SLCO4A1: variants seen among roughly 807,000 people sequenced by gnomAD.
The protein encoded by SLCO4A1 is solute carrier organic anion transporter family member 4A1, also known as colon organic anion transporter.
In SLCO4A1, 51 loss-of-function variants were observed where a neutral mutation model predicts 64.6. That is an observed-to-expected ratio of 0.79 (90% CI 0.63 to 1.00). The LOEUF (loss-of-function observed/expected upper bound fraction) is 1.00. SLCO4A1 is among the 50% of genes least tolerant of loss of function. SLCO4A1 has a pLI of 0.00. For missense variants in SLCO4A1, 919 were observed against 980.5 expected (o/e 0.94, Z 0.84); for synonymous variants, 471 against 444.9 (o/e 1.06, Z -0.74).
Position 62,661,172 on chromosome 20 carries a change from C to T in SLCO4A1, c.1118C>T (p.Pro373Leu). 1.2e-6 allele frequency: 2 copies of T among 1,610,208 alleles called. No homozygotes were observed. The highest frequency in any genetic ancestry group is 1.7e-6 in the Non-Finnish European group (2 of 1,176,964). The part of the protein sequence containing the change: ...PDFGKTIRDL[P>L]LSIWLLLKNP... Reference sequence around the variant, plus strand: ...TTTGGGAAAACCATCAGAGACCTGCCTCTGTAAGGACCGGAGTCGGGAGGG... The same window carrying T: ...TTTGGGAAAACCATCAGAGACCTGCTTCTGTAAGGACCGGAGTCGGGAGGG... The change falls in exon 5 of 12, where the codon CCT becomes CTT. Residue 373 changes from proline (P) to leucine (L), a missense_variant. Transcript: ENST00000217159. The surrounding 1 kb of genome is among the most constrained non-coding windows in gnomAD (Gnocchi z 5.2).
chr20:62,655,203 C>T (rs552652848), intron 1 of SLCO4A1, among the ~76,000 whole-genome samples: 361 of 151,686 alleles, frequency 2.4e-3, no homozygotes, highest in Middle Eastern at 0.017. Context: ...AGGGTGGGGG[C>T]GGCACAGGTG....
At chr20:62,682,396 T>G (rs1029315706) in intron 2 of SLCO4A1, among the ~76,000 whole-genome samples, 1 of 151,754 alleles carries the variant, frequency 6.6e-6, no homozygotes, top group Non-Finnish European at 1.5e-5. Context: ...GGCCACAGAG[T>G]CGACTATGGC....
At chr20:62,689,966 C>T (rs1038078951), downstream of SLCO4A1, among the ~76,000 whole-genome samples, 16 of 152,344 alleles carry the variant, frequency 1.1e-4, no homozygotes, top group African/African-American at 3.6e-4. Context: ...GCTGAGTCGA[C>T]GCCTGCAGCC....
chr20:62,680,502 T>C (rs909655172), intron 2 of SLCO4A1, among the ~76,000 whole-genome samples: 1 of 152,126 alleles, frequency 6.6e-6, no homozygotes, highest in Non-Finnish European at 1.5e-5. Context: ...GTTAGCTGCA[T>C]GTATTTTTTT....
intron 5 of SLCO4A1, chr20:62,663,257 T>C (rs1985390928): frequency 6.6e-6 from 1 of 152,330 alleles, no homozygotes; most frequent in South Asian, 2.1e-4. Context: ...TTCCTGATTC[T>C]TCAGAATCCA....
chr20:62,671,961 G>C lies in SLCO4A1; in HGVS notation c.*68G>C. The C allele has an allele frequency of 6.2e-7, 1 of 1,600,388 alleles. No individual in the cohort carries two copies. Among genetic ancestry groups the C allele is most frequent in the South Asian group, 1.1e-5 (1 of 91,062 alleles). On this transcript the variant is annotated 3_prime_UTR_variant, in exon 12 of 12. Coordinates refer to ENST00000217159, the MANE Select transcript of SLCO4A1 (RefSeq NM_016354.4). ...TCCTGATGACAGAACAGTGCCGTTG[G>C]GTGATGCAATCACACGGGAACTTCT...
chr20:62,667,241 G>A (rs1425236393), intron 7 of SLCO4A1, among the ~76,000 whole-genome samples: 1 of 152,240 alleles, frequency 6.6e-6, no homozygotes. Flanking sequence ...GAAAAAGGAA[G>A]GAGTTGGACA....
At chr20:62,677,691 C>T (rs895417777) in intron 2 of SLCO4A1, among the ~76,000 whole-genome samples, 8 of 152,248 alleles carry the variant, frequency 5.3e-5, no homozygotes, top group African/African-American at 1.7e-4. Context: ...GGTCTGTGCA[C>T]CCTCTTTTTG....
At chr20:62,686,120 C>G (rs1988052252), downstream of SLCO4A1, among the ~76,000 whole-genome samples, 1 of 152,206 alleles carries the variant, frequency 6.6e-6, no homozygotes, top group Admixed American at 6.5e-5. Context: ...AGGGCAATCT[C>G]TGTACCTGGG....
At chr20:62,646,339 G>C (rs1170494027) in intron 1 of SLCO4A1, among the ~76,000 whole-genome samples, 5 of 152,226 alleles carry the variant, frequency 3.3e-5, no homozygotes, top group Non-Finnish European at 5.9e-5. Flanking sequence ...CTGGGAAGCA[G>C]GCCCTGTGCC....
intron 5 of SLCO4A1, among the ~76,000 whole-genome samples, chr20:62,662,819 G>A (rs1402197877): frequency 2.3e-5 from 3 of 129,250 alleles, no homozygotes; most frequent in African/African-American, 8.9e-5. Flanking sequence ...CCCCCCCAGG[G>A]TGCCCACCCC....
intron 2 of SLCO4A1, among the ~76,000 whole-genome samples, chr20:62,679,946 G>A (rs1987754523): frequency 6.6e-6 from 1 of 152,186 alleles, no homozygotes; most frequent in Admixed American, 6.5e-5. Flanking sequence ...ATACCTTAAA[G>A]ACCCTCTACA....
At position 62,666,540 on chromosome 20, in the gene SLCO4A1, GCC is replaced by G. The variant is rs1411091416; in HGVS notation, c.1439_1440del (p.Pro480HisfsTer72). 1 of 1,613,020 alleles carries G rather than the reference GCC, an allele frequency of 6.2e-7. No homozygotes were observed. The highest frequency in any genetic ancestry group is 8.5e-7 in the Non-Finnish European group (1 of 1,179,958). Reference protein sequence around the residue: ...LVFSLHCPSVPMAGVTASYGG... With the variant: ...LVFSLHCPSVXMAGVTASYGG... ...TCTTCTCACTGCACTGCCCCAGTGT[GCC>G]CATGGCGGGCGTCACAGCCAGCTAC... is the stretch of plus-strand genomic sequence containing the variant. On this transcript the variant is annotated frameshift_variant, in exon 7 of 12. Transcript: ENST00000217159. LOFTEE classifies it high-confidence loss of function.
Position 62,656,409 on chromosome 20 carries a change from C to T in SLCO4A1, c.-46C>T. 1 of 1,438,410 alleles carries T rather than the reference C, an allele frequency of 7.0e-7. No individual in the cohort carries two copies. The highest frequency in any genetic ancestry group is 9.1e-7 in the Non-Finnish European group (1 of 1,093,832). The allele number at this position is 1,438,410 out of a possible 1,614,324, so 89.1% of individuals were successfully genotyped here. A position where few individuals can be genotyped will look rare whatever the true frequency, so the allele number is the denominator to read the frequency against. ...TTGGCCACTCCCGCTGAGGCCACTC[C>T]CACTGCGTGGCTGAAGCCTCGAGGT... On this transcript the variant is annotated 5_prime_UTR_variant, in exon 2 of 12. Coordinates refer to ENST00000217159, the MANE Select transcript of SLCO4A1 (RefSeq NM_016354.4).
chr20:62,671,965 A>G lies in SLCO4A1; in HGVS notation c.*72A>G. The stretch of plus-strand genomic sequence containing the variant: ...GATGACAGAACAGTGCCGTTGGGTG[A>G]TGCAATCACACGGGAACTTCTATTT... On this transcript the variant is annotated 3_prime_UTR_variant, in exon 12 of 12. Transcript: ENST00000217159. 6.3e-7 allele frequency: 1 copy of G among 1,599,930 alleles called. No individual in the cohort carries two copies. Among genetic ancestry groups the G allele is most frequent in the Non-Finnish European group, 8.5e-7 (1 of 1,179,702 alleles).
chr20:62,656,482 C>A lies in SLCO4A1; in HGVS notation c.28C>A (p.Pro10Thr). 2 of 1,515,836 alleles carry A rather than the reference C, an allele frequency of 1.3e-6. No individual in the cohort carries two copies. Among genetic ancestry groups the A allele is most frequent in the Non-Finnish European group, 8.8e-7 (1 of 1,132,040 alleles). The allele number at this position is 1,515,836 out of a possible 1,614,324, so 93.9% of individuals were successfully genotyped here. A position where few individuals can be genotyped will look rare whatever the true frequency, so the allele number is the denominator to read the frequency against. MPLHQLGDK[P>T]LTFPSPNSAM... ...GCCCCTGCATCAGCTGGGGGACAAG[C>A]CGCTCACCTTCCCCAGCCCCAACTC... The change falls in exon 2 of 12, where the codon CCG (proline) becomes ACG (threonine). Residue 10 changes from proline (P) to threonine (T), a missense_variant. Coordinates refer to ENST00000217159, the MANE Select transcript of SLCO4A1 (RefSeq NM_016354.4).
chr20:62,647,028 C>A (rs938709747), intron 1 of SLCO4A1, among the ~76,000 whole-genome samples: 1 of 152,256 alleles, frequency 6.6e-6, no homozygotes, highest in African/African-American at 2.4e-5. Context: ...CCTTCATTGT[C>A]GGCCCCATAC....
At chr20:62,670,034 G>C (rs1476179941) in intron 11 of SLCO4A1, 1 of 152,178 alleles carries the variant, frequency 6.6e-6, no homozygotes, top group Non-Finnish European at 1.5e-5. Flanking sequence ...TTTAAAGCAC[G>C]CGCCGTTCTG....
intron 4 of SLCO4A1, among the ~76,000 whole-genome samples, chr20:62,660,780 C>T (rs530676994): frequency 8.5e-5 from 13 of 152,330 alleles, no homozygotes; most frequent in Admixed American, 3.3e-4. Flanking sequence ...CCTCAGGCCA[C>T]GGAACAGGCT....
Sources: gnomAD v4.1 joint callset for allele counts (sites outside exome capture counted in the v4.1 genomes callset) on GRCh38, gnomAD v4.1.1 for gene constraint, Gnocchi (gnomAD v3.1) non-coding constraint, MANE v1.5 for transcripts, NCBI Gene and HGNC (gene_info 2026-07-23, HGNC 2026-07-21) for gene names.